Variants in TRAPPC9 observed in about 807,000 individuals in gnomAD.
TRAPPC9 encodes the protein IKK2 binding protein.
A neutral mutation model predicts 124.0 loss-of-function variants in TRAPPC9; 83 were observed. That is an observed-to-expected ratio of 0.67 (90% CI 0.56 to 0.80). The LOEUF is 0.80. Among genes scored for constraint, TRAPPC9 ranks in the 30% least tolerant of loss-of-function variants. The probability of loss-of-function intolerance (pLI) is 0.00; values close to 1 mark genes in which losing one functional copy is unlikely to be tolerated. For synonymous variants in TRAPPC9, 638 were observed against 617.5 expected, an observed-to-expected ratio of 1.03 and a Z score of -0.49; for missense variants, 1,302 against 1,508.3, an observed-to-expected ratio of 0.86 and a Z score of 2.27.
intron 18 of TRAPPC9, among the ~76,000 whole-genome samples, chr8:139,997,534 T>C (rs1348245531): frequency 1.5e-5 from 2 of 134,898 alleles, no homozygotes; most frequent in East Asian, 2.3e-4. Context: ...AGACAATGCA[T>C]CCTACACAGA....
chr8:139,822,065 G>C (rs540447424), intron 21 of TRAPPC9, among the ~76,000 whole-genome samples: 1 of 152,190 alleles, frequency 6.6e-6, no homozygotes, highest in Non-Finnish European at 1.5e-5. Context: ...ATTAGGGACC[G>C]TGGGGTGCTG....
At chr8:140,432,883 A>G (rs193245297) in intron 4 of TRAPPC9, among the ~76,000 whole-genome samples, 1 of 150,790 alleles carries the variant, frequency 6.6e-6, no homozygotes, top group African/African-American at 2.4e-5. Flanking sequence ...AAAAAAAAAA[A>G]AGTCATGTCT....
At chr8:140,012,974 G>A (rs1839229845) in intron 18 of TRAPPC9, among the ~76,000 whole-genome samples, 1 of 152,144 alleles carries the variant, frequency 6.6e-6, no homozygotes, top group African/African-American at 2.4e-5. Flanking sequence ...CTTAGTGTGT[G>A]CTCAATAACC....
At chr8:140,403,565 A>C (rs2069356762) in intron 6 of TRAPPC9, among the ~76,000 whole-genome samples, 1 of 152,202 alleles carries the variant, frequency 6.6e-6, no homozygotes, top group Non-Finnish European at 1.5e-5. Context: ...AATATTTTTC[A>C]AAAATAATAG....
intron 20 of TRAPPC9, among the ~76,000 whole-genome samples, chr8:139,905,900 A>G (rs1046685358): frequency 6.6e-6 from 1 of 151,906 alleles, no homozygotes; most frequent in East Asian, 1.9e-4. Flanking sequence ...TCAGACCATT[A>G]TGGCCAACAT....
At chr8:140,098,945 G>A (rs1371770965) in intron 17 of TRAPPC9, 2 of 152,214 alleles carry the variant, frequency 1.3e-5, no homozygotes, top group African/African-American at 2.4e-5. Flanking sequence ...CGCAGCTACA[G>A]CATTCCCGCG....
chr8:139,999,951 A>G (rs907331384), intron 18 of TRAPPC9, among the ~76,000 whole-genome samples: 2 of 152,218 alleles, frequency 1.3e-5, no homozygotes, highest in African/African-American at 4.8e-5. Context: ...AAGTGATTAT[A>G]TAAGAAAGAA....
chr8:140,411,363 T>C (rs888398616), intron 5 of TRAPPC9, among the ~76,000 whole-genome samples: 2 of 152,188 alleles, frequency 1.3e-5, no homozygotes, highest in African/African-American at 4.8e-5. Flanking sequence ...GTTTTTGAGA[T>C]GGAGTCTCAT....
chr8:139,982,678 T>C (rs941366073), intron 19 of TRAPPC9, among the ~76,000 whole-genome samples: 21 of 152,226 alleles, frequency 1.4e-4, no homozygotes, highest in African/African-American at 5.1e-4. Flanking sequence ...AGCTGAGGAA[T>C]GAGTCACTAA....
intron 17 of TRAPPC9, among the ~76,000 whole-genome samples, chr8:140,143,296 C>T (rs183308233): frequency 1.1e-3 from 167 of 152,348 alleles, no homozygotes; most frequent in African/African-American, 3.8e-3. Flanking sequence ...CTGTGCCCTG[C>T]TCATTCAGGC....
At position 140,182,559 on chromosome 8, in the gene TRAPPC9, T is replaced by G. The variant is rs1393474040; in HGVS notation, c.2556+38900A>C. Among the ~76,000 whole-genome samples, 1 of 152,234 alleles carries G rather than the reference T, an allele frequency of 6.6e-6. No homozygotes were observed. Among genetic ancestry groups the G allele is most frequent in the East Asian group, 1.9e-4 (1 of 5,198 alleles). ...TTAGTGCACGCTGATCTAAGCTCACTGATCGAAGCACACTGCAAAGTGTCA... is the reference window on the plus strand; with the variant it reads ...TTAGTGCACGCTGATCTAAGCTCACGGATCGAAGCACACTGCAAAGTGTCA... On this transcript the variant is annotated intron_variant, in intron 17 of 22. Coordinates refer to ENST00000438773, the MANE Select transcript of TRAPPC9 (RefSeq NM_001160372.4). The surrounding 1 kb of genome is among the most constrained non-coding windows in gnomAD (Gnocchi z 4.0).
At chr8:140,247,461 A>G (rs2064014712) in intron 16 of TRAPPC9, among the ~76,000 whole-genome samples, 1 of 152,232 alleles carries the variant, frequency 6.6e-6, no homozygotes, top group Admixed American at 6.5e-5. Flanking sequence ...TAAAAGCCCA[A>G]AAGACTTTAA....
chr8:139,876,014 A>C (rs1829295060), intron 21 of TRAPPC9, among the ~76,000 whole-genome samples: 1 of 152,244 alleles, frequency 6.6e-6, no homozygotes, highest in Non-Finnish European at 1.5e-5. Context: ...GGCTAGTGGG[A>C]GCCGGCTTTC....
intron 21 of TRAPPC9, among the ~76,000 whole-genome samples, chr8:139,766,602 G>A (rs755932419): frequency 3.9e-5 from 6 of 152,324 alleles, no homozygotes; most frequent in Non-Finnish European, 7.4e-5. Flanking sequence ...GAGTGCACAC[G>A]CGGCCCCAGG....
intron 17 of TRAPPC9, among the ~76,000 whole-genome samples, chr8:140,075,441 CAA>C (rs1843448061): frequency 6.6e-6 from 1 of 152,178 alleles, no homozygotes; most frequent in South Asian, 2.1e-4. Flanking sequence ...TCATTATGGA[CAA>C]AGTCCCCACA....
At chr8:140,350,970 C>A (rs1295477464) in intron 9 of TRAPPC9, among the ~76,000 whole-genome samples, 2 of 151,786 alleles carry the variant, frequency 1.3e-5, no homozygotes, top group Non-Finnish European at 2.9e-5. Flanking sequence ...GGGAGAGGGG[C>A]AGGAGGCTCC....
At chr8:139,749,327 T>C (rs1431598180) in intron 21 of TRAPPC9, among the ~76,000 whole-genome samples, 1 of 152,192 alleles carries the variant, frequency 6.6e-6, no homozygotes, top group African/African-American at 2.4e-5. Context: ...CTCTGCCATA[T>C]GAATGGACAG....
intron 21 of TRAPPC9, among the ~76,000 whole-genome samples, chr8:139,845,601 G>A (rs553962350): frequency 1.2e-4 from 19 of 152,334 alleles, no homozygotes; most frequent in Non-Finnish European, 1.2e-4. Context: ...TCCTTACACC[G>A]GGGAGGGAGT....
At chr8:140,338,847 C>A (rs111374157) in intron 9 of TRAPPC9, among the ~76,000 whole-genome samples, 5 of 44,050 alleles carry the variant, frequency 1.1e-4, no homozygotes, top group African/African-American at 4.6e-4. Flanking sequence ...GAGAAAACCA[C>A]CGCCACCAGA....
Sources: allele counts gnomAD v4.1 joint callset (sites outside exome capture counted in the v4.1 genomes callset), GRCh38; gene constraint gnomAD v4.1.1; non-coding constraint Gnocchi (gnomAD v3.1); transcripts MANE v1.5; gene names NCBI Gene and HGNC (gene_info 2026-07-23, HGNC 2026-07-21).